The following PI4KA variants were observed in gnomAD, a reference collection of about 807,000 sequenced individuals.
PI4KA encodes PI4-kinase alpha.
In PI4KA, 122 loss-of-function variants were observed where a neutral mutation model predicts 271.4. That is an observed-to-expected ratio of 0.45 (90% CI 0.39 to 0.52). The LOEUF (loss-of-function observed/expected upper bound fraction) is 0.52. Among genes scored for constraint, PI4KA ranks in the 20% least tolerant of loss-of-function variants. PI4KA has a pLI of 0.00. For synonymous variants in PI4KA, 1,041 were observed against 1,078.8 expected, an observed-to-expected ratio of 0.96 and a Z score of 0.69; for missense variants, 1,969 against 2,769.1, an observed-to-expected ratio of 0.71 and a Z score of 6.48.
At chr22:20,805,708 T>C (rs1935612439) in intron 10 of PI4KA, among the ~76,000 whole-genome samples, 1 of 151,396 alleles carries the variant, frequency 6.6e-6, no homozygotes, top group South Asian at 2.1e-4. Flanking sequence ...GGTGGGCGCC[T>C]GTAGTCCCAG....
chr22:20,729,262 C>A, intron 39 of PI4KA, 51 bp downstream of exon 39: 2 of 1,530,052 alleles, frequency 1.3e-6, no homozygotes, highest in Non-Finnish European at 1.8e-6. Flanking sequence ...AAGCACCCTG[C>A]GCTGGACCTC....
intron 1 of PI4KA, among the ~76,000 whole-genome samples, chr22:20,854,581 TA>T (rs1473934668): frequency 3.9e-5 from 6 of 152,134 alleles, no homozygotes; most frequent in African/African-American, 1.2e-4. Context: ...CAAGTGTCAC[TA>T]AAACCATGTC....
At chr22:20,716,766 G>T (rs1926051413) in intron 45 of PI4KA, among the ~76,000 whole-genome samples, 2 of 152,214 alleles carry the variant, frequency 1.3e-5, no homozygotes, top group Non-Finnish European at 2.9e-5. Context: ...CCCGATGCGG[G>T]AACAGAGGCC....
chr22:20,849,447 T>C (rs1054304359), intron 1 of PI4KA, among the ~76,000 whole-genome samples: 2 of 152,168 alleles, frequency 1.3e-5, no homozygotes, highest in African/African-American at 2.4e-5. Flanking sequence ...AATCCAAACA[T>C]CCACCTACTA....
chr22:20,788,006 G>A (rs1229885005), intron 19 of PI4KA, among the ~76,000 whole-genome samples: 3 of 152,206 alleles, frequency 2.0e-5, no homozygotes, highest in Non-Finnish European at 2.9e-5. Flanking sequence ...CCTGCAGTGG[G>A]TCTGGTTTGA....
intron 52 of PI4KA, 196 bp from the exon 53 acceptor site, chr22:20,710,193 T>C: frequency 3.1e-6 from 2 of 641,462 alleles, no homozygotes; most frequent in Non-Finnish European, 5.8e-6. Flanking sequence ...AGGCAAGGGC[T>C]GCCCACACGC....
rs1457073669 is a variant in PI4KA, at chr22:20,844,339, T to C, written c.157-5608A>G. 2.0e-5 allele frequency among the ~76,000 whole-genome samples: 3 copies of C among 152,062 alleles called. No individual in the cohort carries two copies. In the South Asian group the frequency reaches 6.2e-4, roughly 32 times the overall value. On this transcript the variant is annotated intron_variant, in intron 1 of 54. Coordinates refer to ENST00000255882, the MANE Select transcript of PI4KA (RefSeq NM_058004.4). Reference sequence around the variant, plus strand: ...GGTACAGGGCTACTAGAAAGCAGGGTTTAACTACACTGTGATAATTGTCAT... The same window carrying C: ...GGTACAGGGCTACTAGAAAGCAGGGCTTAACTACACTGTGATAATTGTCAT...
intron 40 of PI4KA, 132 bp downstream of exon 40, chr22:20,727,642 C>A: frequency 1.4e-6 from 1 of 734,634 alleles, no homozygotes; most frequent in Non-Finnish European, 2.3e-6. Context: ...CACAGGAAAT[C>A]AGAAAAACCA....
chr22:20,818,567 A>C lies in PI4KA; in HGVS notation c.790-18T>G. On this transcript the variant is annotated intron_variant, in intron 6 of 54. Coordinates refer to ENST00000255882, the MANE Select transcript of PI4KA (RefSeq NM_058004.4). ...GGGCTGACCTGAAACACACAACCAC[A>C]GTTACATATCAGAAAAGACCAGTGA... is the stretch of plus-strand genomic sequence containing the variant. The C allele has an allele frequency of 2.6e-6, 4 of 1,521,792 alleles. No homozygotes were observed. The highest frequency in any genetic ancestry group is 3.5e-6 in the Non-Finnish European group (4 of 1,144,098). 94.3% of individuals were successfully genotyped at this position (1,521,792 alleles called of 1,614,324 possible).
intron 36 of PI4KA, among the ~76,000 whole-genome samples, chr22:20,731,237 G>C (rs1240955632): frequency 6.6e-6 from 1 of 152,210 alleles, no homozygotes; most frequent in African/African-American, 2.4e-5. Context: ...CTTGATAAAA[G>C]ATGGCAGTTA....
chr22:20,726,747 G>C (rs1207595643), intron 41 of PI4KA, among the ~76,000 whole-genome samples: 1 of 152,240 alleles, frequency 6.6e-6, no homozygotes, highest in Non-Finnish European at 1.5e-5. Context: ...GCTCTACAGC[G>C]GGCGAGGGCC....
At chr22:20,718,889 C>T in intron 43 of PI4KA, 67 bp from the exon 44 acceptor site, 1 of 1,559,512 alleles carries the variant, frequency 6.4e-7, no homozygotes, top group South Asian at 1.1e-5. Context: ...AATACCAGCC[C>T]TGTTTCCCAG....
chr22:20,769,576 G>A (rs902933299), intron 19 of PI4KA, among the ~76,000 whole-genome samples: 66 of 152,108 alleles, frequency 4.3e-4, no homozygotes, highest in African/African-American at 1.5e-3. Flanking sequence ...GGCTGAAGCA[G>A]GAGAATCGCT....
intron 1 of PI4KA, among the ~76,000 whole-genome samples, chr22:20,845,961 T>A (rs1926182072): frequency 6.6e-6 from 1 of 152,078 alleles, no homozygotes; most frequent in African/African-American, 2.4e-5. Context: ...GACACAAGAT[T>A]AAGATACGAA....
chr22:20,819,214 A>G lies in PI4KA; in HGVS notation c.789+427T>C, dbSNP rs76599193. Among the ~76,000 whole-genome samples, 881 of 152,256 alleles carry G rather than the reference A, an allele frequency of 5.8e-3. 8 individuals are homozygous for G. Among genetic ancestry groups the G allele is most frequent in the African/African-American group, 0.02 (828 of 41,540 alleles). ...TGAATTTTTTTTGTGTTTAAACAGT[A>G]TATTTTCAACTTATTGGACAGCAGT... is the stretch of plus-strand genomic sequence containing the variant. On this transcript the variant is annotated intron_variant, in intron 6 of 54. Transcript: ENST00000255882.
chr22:20,799,603 G>A, intron 15 of PI4KA, 68 bp downstream of exon 15: 1 of 1,068,022 alleles, frequency 9.4e-7, no homozygotes, highest in Non-Finnish European at 1.4e-6. Context: ...TACGCACAAT[G>A]CCAGGTGCCC....
intron 29 of PI4KA, among the ~76,000 whole-genome samples, chr22:20,746,365 GAATT>G (rs1013804122): frequency 3.3e-5 from 5 of 151,852 alleles, no homozygotes; most frequent in Non-Finnish European, 7.4e-5. Context: ...CCTGGCCCCA[GAATT>G]AATTTTTAAA....
At chr22:20,742,946 T>C (rs1384995131) in intron 30 of PI4KA, 182 bp from the exon 31 acceptor site, 13 of 591,438 alleles carry the variant, frequency 2.2e-5, no homozygotes, top group Non-Finnish European at 3.6e-5. Flanking sequence ...CAGCTTTTTT[T>C]TTTTTTAAAG....
chr22:20,798,929 A>ACT, intron 16 of PI4KA, 164 bp downstream of exon 16: 3 of 647,580 alleles, frequency 4.6e-6, no homozygotes, highest in Admixed American at 5.9e-5. Flanking sequence ...TTTCCCCAGC[A>ACT]CTCACAGCAT....
Sources: gnomAD v4.1 joint callset for allele counts (sites outside exome capture counted in the v4.1 genomes callset) on GRCh38, gnomAD v4.1.1 for gene constraint, MANE v1.5 for transcripts, NCBI Gene and HGNC (gene_info 2026-07-23, HGNC 2026-07-21) for gene names.